Variants in DAB2 observed in about 807,000 individuals in gnomAD.
The protein encoded by DAB2 is disabled homolog 2.
In DAB2, 28 loss-of-function variants were observed where a neutral mutation model predicts 71.6. The ratio of observed to expected loss-of-function variants is 0.39; its 90% confidence interval spans 0.29 to 0.54. DAB2 has a LOEUF of 0.54. Ranked by LOEUF, DAB2 falls within the 20% of genes least tolerant of loss-of-function variation. The probability of loss-of-function intolerance (pLI) is 0.68; values close to 1 mark genes in which losing one functional copy is unlikely to be tolerated. For synonymous variants in DAB2, 345 were observed against 339.7 expected (o/e 1.02, Z -0.17); for missense variants, 867 against 928.8 (o/e 0.93, Z 0.86).
rs1300087305 is a variant in DAB2 at position 39,381,637 on chromosome 5, G to A, written c.1342-21C>T. 6 of 1,612,800 alleles carry A rather than the reference G, an allele frequency of 3.7e-6. No homozygotes were observed. The Admixed American group carries it at 1.0e-4, about 27-fold the overall frequency. Reference sequence around the variant, plus strand: ...GAAGACTGACAGGACAGGGAGGGAGGGAGAAGCCTTAGTTACTCACTAACA... The same window carrying A: ...GAAGACTGACAGGACAGGGAGGGAGAGAGAAGCCTTAGTTACTCACTAACA... On this transcript the variant is annotated intron_variant, in intron 10 of 14. Coordinates refer to ENST00000320816, the MANE Select transcript of DAB2 (RefSeq NM_001343.4).
chr5:39,389,367 A>G (rs778798215), intron 6 of DAB2, among the ~76,000 whole-genome samples: 39 of 152,228 alleles, frequency 2.6e-4, no homozygotes, highest in Non-Finnish European at 1.6e-4. Context: ...GAAAAAAAAT[A>G]AAAGCCAGGG....
chr5:39,376,583 C>A, intron 12 of DAB2, 67 bp downstream of exon 12: 1 of 1,553,346 alleles, frequency 6.4e-7, no homozygotes, highest in Non-Finnish European at 8.7e-7. Flanking sequence ...ATTTGGGGAA[C>A]TCATTTAGGT....
In DAB2 at chr5:39,412,799, C is replaced by A. The variant is rs3886548; in HGVS notation, c.-102+12005G>T. The stretch of plus-strand genomic sequence containing the variant: ...AGCACAGGAGTGAAGCAACAACCTG[C>A]AAGTCACACCAGCCTAATACATATG... On this transcript the variant is annotated intron_variant, in intron 1 of 14. Coordinates refer to ENST00000320816, the MANE Select transcript of DAB2 (RefSeq NM_001343.4). Among the ~76,000 whole-genome samples, 858 of 152,292 alleles carry A rather than the reference C, an allele frequency of 5.6e-3. 31 individuals carry two copies. Among genetic ancestry groups the A allele is most frequent in the Admixed American group, 0.041 (630 of 15,302 alleles).
rs1307828024 is a variant in DAB2, at chr5:39,397,250, A to G, written c.-101-2829T>C. On this transcript the variant is annotated intron_variant, in intron 1 of 14. Coordinates refer to ENST00000320816, the MANE Select transcript of DAB2 (RefSeq NM_001343.4). ...GAGACATCAGCATCAGCCCTCTGGC[A>G]TACTCTCTCCAGGCCAACAGGTCCC... Among the ~76,000 whole-genome samples, 4 of 152,312 alleles carry G rather than the reference A, an allele frequency of 2.6e-5. No individual in the cohort carries two copies. The East Asian group carries it at 7.7e-4, about 29-fold the overall frequency.
rs369949588 is a variant in DAB2, at chr5:39,382,766, A to G, written c.1193T>C (p.Phe398Ser). The G allele has an allele frequency of 5.0e-6, 8 of 1,614,050 alleles. No individual in the cohort carries two copies. The African/African-American group carries it at 9.3e-5, about 19-fold the overall frequency. Residue 398 changes from phenylalanine (F) to serine (S), a missense_variant, in exon 10 of 15, where the codon TTT becomes TCT. By Grantham distance (155) the Phe-to-Ser change is radical. Transcript: ENST00000320816. Reference protein sequence around the residue: ...GFSVKSSPNPFVGSPPKGLSI... With the variant: ...GFSVKSSPNPSVGSPPKGLSI... ...CAGTCCTTTGGGAGGGCTTCCCACA[A>G]AAGGGTTCGGGGAGGATTTGACAGA...
chr5:39,374,074 A>C (rs1754760949), intron 14 of DAB2, among the ~76,000 whole-genome samples: 1 of 152,160 alleles, frequency 6.6e-6, no homozygotes, highest in African/African-American at 2.4e-5. Context: ...GATGCCTATA[A>C]GCTCAATCTT....
intron 1 of DAB2, among the ~76,000 whole-genome samples, chr5:39,399,456 A>G (rs1484607997): frequency 1.3e-5 from 2 of 152,240 alleles, no homozygotes; most frequent in African/African-American, 2.4e-5. Flanking sequence ...ATCTAAAGTT[A>G]TCTTATAGTC....
chr5:39,413,042 A>C (rs1475157929), intron 1 of DAB2, among the ~76,000 whole-genome samples: 1 of 151,956 alleles, frequency 6.6e-6, no homozygotes, highest in African/African-American at 2.4e-5. Context: ...GGGCGATAGC[A>C]CTCTGTTTTG....
chr5:39,394,413 C>T lies in DAB2; in HGVS notation c.-93G>A. Reference sequence around the variant, plus strand: ...GAAGTCTCAAATAAACATAACCTCCCACAGACACCTGTAGGCAGAGTTTAG... The same window carrying T: ...GAAGTCTCAAATAAACATAACCTCCTACAGACACCTGTAGGCAGAGTTTAG... On this transcript the variant is annotated 5_prime_UTR_variant, in exon 2 of 15. Transcript: ENST00000320816. The T allele has an allele frequency of 5.4e-6, 5 of 924,794 alleles. No individual in the cohort carries two copies. The highest frequency in any genetic ancestry group is 7.2e-6 in the Non-Finnish European group (4 of 557,850). The allele number at this position is 924,794 out of a possible 1,614,324, so 57.3% of individuals were successfully genotyped here.
chr5:39,388,830 A>T lies in DAB2; in HGVS notation c.593T>A (p.Ile198Asn). 6.2e-7 allele frequency: 1 copy of T among 1,613,504 alleles called. No individual in the cohort carries two copies. The highest frequency in any genetic ancestry group is 8.5e-7 in the Non-Finnish European group (1 of 1,179,464). Residue 198 changes from isoleucine to asparagine, a missense_variant, in exon 8 of 15, where the codon ATT becomes AAT. Coordinates refer to ENST00000320816, the MANE Select transcript of DAB2 (RefSeq NM_001343.4). ...CAGTTTGTTAGTTTGGTCATCTAGA[A>T]TCATTAGGGCCTCACTCCCATTCTG... Reference protein sequence around the residue: ...AVENGSEALMILDDQTNKLKS... With the variant: ...AVENGSEALMNLDDQTNKLKS...
At position 39,400,919 on chromosome 5, in the gene DAB2, G is replaced by A. The variant is rs532199341; in HGVS notation, c.-101-6498C>T. Among the ~76,000 whole-genome samples, 7 of 152,250 alleles carry A rather than the reference G, an allele frequency of 4.6e-5. No individual in the cohort carries two copies. The South Asian group carries it at 1.5e-3, about 32-fold the overall frequency. ...TGCCTCAGCTAAAGTGCGGAATTAGGACAACATGTGAAATATTAACCTCTA... is the reference window on the plus strand; with the variant it reads ...TGCCTCAGCTAAAGTGCGGAATTAGAACAACATGTGAAATATTAACCTCTA... On this transcript the variant is annotated intron_variant, in intron 1 of 14. Coordinates refer to ENST00000320816, the MANE Select transcript of DAB2 (RefSeq NM_001343.4).
At chr5:39,424,470 TACACACACACAC>T (rs56974213) in intron 1 of DAB2, among the ~76,000 whole-genome samples, 15,398 of 134,464 alleles carry the variant, frequency 0.11, 961 homozygotes, top group Non-Finnish European at 0.14. Flanking sequence ...GCAGACCTTT[TACACACACACAC>T]ACACACACAC....
intron 1 of DAB2, among the ~76,000 whole-genome samples, chr5:39,403,462 A>C (rs1270355): frequency 1.3e-5 from 2 of 152,236 alleles, no homozygotes; most frequent in Non-Finnish European, 2.9e-5. Context: ...ATAGCTTAGC[A>C]GGGTAATTTG....
intron 11 of DAB2, among the ~76,000 whole-genome samples, chr5:39,380,718 T>C (rs1212851438): frequency 6.6e-6 from 1 of 152,218 alleles, no homozygotes; most frequent in African/African-American, 2.4e-5. Context: ...CACAAGCTAA[T>C]GACACATTTA....
chr5:39,389,219 CAAGA>C, intron 6 of DAB2, 96 bp from the exon 7 acceptor site: 1 of 896,526 alleles, frequency 1.1e-6, no homozygotes, highest in East Asian at 2.4e-5. Context: ...AGGCATAAGG[CAAGA>C]ATAAGTCTTG....
chr5:39,412,505 T>C (rs1045284465), intron 1 of DAB2, among the ~76,000 whole-genome samples: 3 of 152,176 alleles, frequency 2.0e-5, no homozygotes, highest in Admixed American at 6.6e-5. Context: ...TGTTCCCTTA[T>C]ATGGTTTACT....
intron 1 of DAB2, among the ~76,000 whole-genome samples, chr5:39,409,115 T>C (rs1755667142): frequency 6.6e-6 from 1 of 151,794 alleles, no homozygotes; most frequent in South Asian, 2.1e-4. Flanking sequence ...CTGCTTGAAA[T>C]TGTGCTTATG....
chr5:39,417,671 G>A (rs1253899060), intron 1 of DAB2: 2 of 152,106 alleles, frequency 1.3e-5, no homozygotes, highest in African/African-American at 4.8e-5. Context: ...CTTATAGGCA[G>A]CTCTTGTCAT....
At chr5:39,412,189 G>C (rs1354102241) in intron 1 of DAB2, among the ~76,000 whole-genome samples, 1 of 152,134 alleles carries the variant, frequency 6.6e-6, no homozygotes, top group Non-Finnish European at 1.5e-5. Flanking sequence ...TGCATGGCCA[G>C]AGAGATGACG....
Sources: allele counts gnomAD v4.1 joint callset (sites outside exome capture counted in the v4.1 genomes callset), GRCh38; gene constraint gnomAD v4.1.1; transcripts MANE v1.5; gene names NCBI Gene and HGNC (gene_info 2026-07-23, HGNC 2026-07-21).